RYR3: variants seen among roughly 807,000 people sequenced by gnomAD.
RYR3 encodes ryanodine receptor 3, also known as brain ryanodine receptor-calcium release channel.
A neutral mutation model predicts 584.3 loss-of-function variants in RYR3; 207 were observed. That is an observed-to-expected ratio of 0.35 (90% CI 0.32 to 0.40). The LOEUF (loss-of-function observed/expected upper bound fraction) is 0.40, where lower values mean the gene tolerates loss of function less well. RYR3 is among the 10% of genes least tolerant of loss of function. The pLI, the probability that RYR3 is intolerant of heterozygous loss-of-function variation, is 1.00. For synonymous variants in RYR3, 2,416 were observed against 2,248.5 expected, an observed-to-expected ratio of 1.07 and a Z score of -2.11; for missense variants, 5,616 against 6,089.2, an observed-to-expected ratio of 0.92 and a Z score of 2.59.
intron 2 of RYR3, among the ~76,000 whole-genome samples, chr15:33,486,355 T>C (rs2050421808): frequency 6.6e-6 from 1 of 152,160 alleles, no homozygotes; most frequent in African/African-American, 2.4e-5. Flanking sequence ...TGTGGAAGCA[T>C]AACCCCAGTC....
Position 33,561,497 on chromosome 15 carries a change from G to A in RYR3, c.973-1340G>A, listed in dbSNP as rs1354131772. Reference sequence around the variant, plus strand: ...CCTTCATTTTCTCCTCTGTAAAATTGGAATGGCATTTGTAGCTACATCAGA... The same window carrying A: ...CCTTCATTTTCTCCTCTGTAAAATTAGAATGGCATTTGTAGCTACATCAGA... On this transcript the variant is annotated intron_variant, in intron 10 of 103. Transcript: ENST00000634891. Among the ~76,000 whole-genome samples, 4 of 152,280 alleles carry A rather than the reference G, an allele frequency of 2.6e-5. No individual in the cohort carries two copies. The East Asian group carries it at 5.8e-4, about 22-fold the overall frequency.
chr15:33,315,722 T>C (rs546439984), intron 1 of RYR3, among the ~76,000 whole-genome samples: 1 of 152,290 alleles, frequency 6.6e-6, no homozygotes, highest in African/African-American at 2.4e-5. Flanking sequence ...GCTGGATCCT[T>C]TTTTCCAAAG....
chr15:33,424,647 C>T (rs1005861650), intron 1 of RYR3, among the ~76,000 whole-genome samples: 1 of 152,146 alleles, frequency 6.6e-6, no homozygotes, highest in South Asian at 2.1e-4. Context: ...AAAAAGATTC[C>T]TCTCTCTGAA....
chr15:33,318,268 C>T (rs1051945227), intron 1 of RYR3, among the ~76,000 whole-genome samples: 8 of 152,208 alleles, frequency 5.3e-5, no homozygotes, highest in Non-Finnish European at 1.0e-4. Context: ...AGGCAGCACA[C>T]CTGTTATAAA....
Position 33,634,635 on chromosome 15 carries a change from A to G in RYR3, c.3077A>G (p.Asp1026Gly), listed in dbSNP as rs2061418489. The change falls in exon 25 of 104, where the codon GAT becomes GGT. Residue 1026 changes from aspartate to glycine, a missense_variant. Coordinates refer to ENST00000634891, the MANE Select transcript of RYR3 (RefSeq NM_001036.6). ...CGTCTGGTGCCATATGCATTACTGG[A>G]TGAGCGTACCAAGAAGTCAAACAGG... is the stretch of plus-strand genomic sequence containing the variant. Reference protein sequence around the residue: ...NPRLVPYALLDERTKKSNRDS... With the variant: ...NPRLVPYALLGERTKKSNRDS... 1.9e-6 allele frequency: 3 copies of G among 1,613,914 alleles called. No homozygotes were observed. The highest frequency in any genetic ancestry group is 2.5e-6 in the Non-Finnish European group (3 of 1,179,814).
intron 67 of RYR3, among the ~76,000 whole-genome samples, chr15:33,789,923 G>A (rs1030688820): frequency 4.8e-5 from 7 of 145,802 alleles, no homozygotes; most frequent in African/African-American, 1.8e-4. Context: ...CAATCCGCCT[G>A]CCTCGGCTTC....
At chr15:33,516,355 T>TC (rs1227485440) in intron 3 of RYR3, among the ~76,000 whole-genome samples, 1 of 151,542 alleles carries the variant, frequency 6.6e-6, no homozygotes, top group Non-Finnish European at 1.5e-5. Flanking sequence ...TTTTTTTTTT[T>TC]CCTCCTGAGA....
chr15:33,813,612 G>A (rs2076660356), intron 74 of RYR3, 33 bp downstream of exon 74: 1 of 1,522,316 alleles, frequency 6.6e-7, no homozygotes, highest in Non-Finnish European at 9.1e-7. Context: ...TGGCATGTAA[G>A]CCAGCGATGG....
At chr15:33,844,833 T>G in intron 92 of RYR3, 29 bp from the exon 93 acceptor site, 6 of 1,600,108 alleles carry the variant, frequency 3.7e-6, no homozygotes, top group African/African-American at 2.7e-5. Context: ...TTTTTGATGT[T>G]TAATAAGCGA....
chr15:33,494,113 T>C (rs1157423011), intron 2 of RYR3, among the ~76,000 whole-genome samples: 1 of 147,604 alleles, frequency 6.8e-6, no homozygotes, highest in Non-Finnish European at 1.5e-5. Context: ...TTTTTTTTTT[T>C]AGCTCTTTAT....
At chr15:33,615,198 G>T (rs1567669182) in intron 19 of RYR3, among the ~76,000 whole-genome samples, 2 of 152,126 alleles carry the variant, frequency 1.3e-5, no homozygotes, top group Admixed American at 6.5e-5. Context: ...CCCTGGAAAG[G>T]GTCATGGCAG....
At chr15:33,816,832 C>T in intron 74 of RYR3, 30 bp from the exon 75 acceptor site, 1 of 1,479,610 alleles carries the variant, frequency 6.8e-7, no homozygotes, top group South Asian at 1.2e-5. Context: ...ATGGATCCCT[C>T]TTGACCTCCC....
chr15:33,325,758 C>A (rs867619480), intron 1 of RYR3, among the ~76,000 whole-genome samples: 1 of 105,416 alleles, frequency 9.5e-6, no homozygotes. Context: ...TCCTTCCTTC[C>A]TTCCTTCCTT....
chr15:33,861,387 G>C (rs1256586890), intron 102 of RYR3, among the ~76,000 whole-genome samples: 2 of 151,992 alleles, frequency 1.3e-5, no homozygotes, highest in Non-Finnish European at 2.9e-5. Flanking sequence ...CAAAAGGCCA[G>C]CCCCTCAACC....
At position 33,865,959 on chromosome 15, in the gene RYR3, G is replaced by GA. The variant is rs1890383021; in HGVS notation, c.*737dup. The GA allele has an allele frequency of 6.5e-6, 1 of 152,740 alleles. No homozygotes were observed. Among genetic ancestry groups the GA allele is most frequent in the Non-Finnish European group, 1.5e-5 (1 of 68,150 alleles). The allele number at this position is 152,740 out of a possible 1,614,324, so 9.5% of individuals were successfully genotyped here. ...GTTATTAGAAGAAAAGTACTGTACTGAAAATTCAGAAAAAAAATCTCAACC... is the reference window on the plus strand; with the variant it reads ...GTTATTAGAAGAAAAGTACTGTACTGAAAAATTCAGAAAAAAAATCTCAACC... On this transcript the variant is annotated 3_prime_UTR_variant, in exon 104 of 104. Coordinates refer to ENST00000634891, the MANE Select transcript of RYR3 (RefSeq NM_001036.6).
intron 57 of RYR3, among the ~76,000 whole-genome samples, chr15:33,752,255 A>C (rs190281771): frequency 1.7e-3 from 260 of 152,314 alleles, no homozygotes; most frequent in African/African-American, 5.0e-3. Flanking sequence ...AGTTGTTTCT[A>C]ATTCTGTGAA....
At chr15:33,739,458 C>T (rs925841991) in intron 50 of RYR3, among the ~76,000 whole-genome samples, 2 of 152,032 alleles carry the variant, frequency 1.3e-5, no homozygotes, top group African/African-American at 4.8e-5. Flanking sequence ...TGTGCCCTCT[C>T]CAGTTATAAG....
intron 93 of RYR3, 85 bp from the exon 94 acceptor site, chr15:33,848,206 G>T: frequency 6.5e-7 from 1 of 1,543,166 alleles, no homozygotes; most frequent in South Asian, 1.1e-5. Flanking sequence ...TCTGAAGTTG[G>T]AAGGTTAATT....
chr15:33,365,900 T>C (rs1296983009), intron 1 of RYR3, among the ~76,000 whole-genome samples: 1 of 152,206 alleles, frequency 6.6e-6, no homozygotes, highest in Non-Finnish European at 1.5e-5. Flanking sequence ...AAAAAAGTTA[T>C]CTCAGAGTAG....
Sources: allele counts gnomAD v4.1 joint callset (sites outside exome capture counted in the v4.1 genomes callset), GRCh38; gene constraint gnomAD v4.1.1; transcripts MANE v1.5; gene names NCBI Gene and HGNC (gene_info 2026-07-23, HGNC 2026-07-21).